Variants in GDAP2 observed in about 807,000 individuals in gnomAD.
GDAP2 encodes ganglioside induced differentiation associated protein 2.
Under a neutral mutation model 67.0 loss-of-function variants are expected in GDAP2, and 51 were observed. The observed-to-expected ratio is 0.76, with a 90% CI of 0.61 to 0.96. The LOEUF (loss-of-function observed/expected upper bound fraction) is 0.96. Ranked by LOEUF, GDAP2 falls within the 40% of genes least tolerant of loss-of-function variation. GDAP2 has a pLI of 0.00. For synonymous variants in GDAP2, 203 were observed against 207.3 expected (o/e 0.98, Z 0.18); for missense variants, 547 against 588.3 (o/e 0.93, Z 0.73).
At position 117,883,150 on chromosome 1, in the gene GDAP2, A is replaced by C. The variant is rs1252326247; in HGVS notation, c.1247+338T>G. 3.1e-5 allele frequency: 5 copies of C among 163,176 alleles called. No homozygotes were observed. In the South Asian group the frequency reaches 6.5e-4, roughly 21 times the overall value. 10.1% of individuals were successfully genotyped at this position (163,176 alleles called of 1,614,324 possible). A position where few individuals can be genotyped will look rare whatever the true frequency, so the allele number is the denominator to read the frequency against. ...CTTCCATCTTTCAAACACAGATAAT[A>C]TCTCTCCTAACCAACTCCTGGGTTA... On this transcript the variant is annotated intron_variant, in intron 11 of 13. Coordinates refer to ENST00000369443, the MANE Select transcript of GDAP2 (RefSeq NM_017686.4).
At chr1:117,928,580 C>T (rs754239288) in intron 1 of GDAP2, among the ~76,000 whole-genome samples, 3 of 152,222 alleles carry the variant, frequency 2.0e-5, no homozygotes, top group Non-Finnish European at 4.4e-5. Context: ...AACTCCTATG[C>T]TGCTACAGCT....
At chr1:117,881,793 T>C (rs1251403377) in intron 12 of GDAP2, 30 bp downstream of exon 12, 1 of 1,231,924 alleles carries the variant, frequency 8.1e-7, no homozygotes, top group Non-Finnish European at 1.2e-6. Flanking sequence ...ACATAAATTC[T>C]AGATTTAACC....
In GDAP2 at chr1:117,864,320, A is replaced by G. The variant is rs1647991176; in HGVS notation, c.*6249T>C. On this transcript the variant is annotated 3_prime_UTR_variant, in exon 14 of 14. Coordinates refer to ENST00000369443, the MANE Select transcript of GDAP2 (RefSeq NM_017686.4). ...GTGGTGGAAGGCTTATGGAGAACAG[A>G]GGCTGTTTTAATAGGGGAATGATGG... is the stretch of plus-strand genomic sequence containing the variant. 1 of 152,228 alleles carries G rather than the reference A, an allele frequency of 6.6e-6. No individual in the cohort carries two copies. Among genetic ancestry groups the G allele is most frequent in the Admixed American group, 6.5e-5 (1 of 15,284 alleles). The allele number at this position is 152,228 out of a possible 1,614,324, so 9.4% of individuals were successfully genotyped here.
At chr1:117,898,077 T>C (rs1649324029) in intron 7 of GDAP2, among the ~76,000 whole-genome samples, 1 of 152,198 alleles carries the variant, frequency 6.6e-6, no homozygotes, top group Non-Finnish European at 1.5e-5. Context: ...CTGGGAATGG[T>C]GGACAGAAGA....
At chr1:117,875,988 C>A (rs1648441097) in intron 13 of GDAP2, among the ~76,000 whole-genome samples, 1 of 152,060 alleles carries the variant, frequency 6.6e-6, no homozygotes, top group South Asian at 2.1e-4. Flanking sequence ...CAAGGTAAAA[C>A]TTTTGGGGAC....
At chr1:117,914,800 A>G (rs1649993683) in intron 3 of GDAP2, among the ~76,000 whole-genome samples, 1 of 152,218 alleles carries the variant, frequency 6.6e-6, no homozygotes, top group East Asian at 1.9e-4. Context: ...TTTCCAAACT[A>G]GAATTCTATT....
At chr1:117,897,141 T>C (rs1041993826) in intron 7 of GDAP2, 152 bp from the exon 8 acceptor site, 29 of 533,180 alleles carry the variant, frequency 5.4e-5, no homozygotes, top group African/African-American at 3.9e-4. Context: ...ATTTAGGCAT[T>C]TGTAAAGCTG....
intron 8 of GDAP2, among the ~76,000 whole-genome samples, chr1:117,894,142 ATTTTT>A (rs757044124): frequency 7.0e-6 from 1 of 142,434 alleles, no homozygotes; most frequent in Admixed American, 7.1e-5. Context: ...TCTCAATAAC[ATTTTT>A]TTTTTTTTTT....
rs1393889045 is a variant in GDAP2 at position 117,912,595 on chromosome 1, G to T, written c.405C>A (p.Ser135Arg). Residue 135 changes from serine to arginine, a missense_variant, in exon 4 of 14, where the codon AGC becomes AGA. By Grantham distance (110) the Ser-to-Arg change is moderately radical. Transcript: ENST00000369443. ...AACTCTCAGCTGCTGTGCGATAGCG[G>T]CTTTTATATTTAGGTCCCACTGTGT... ...IIHTVGPKYKSRYRTAAESSL... is the reference protein window; with the variant it reads ...IIHTVGPKYKRRYRTAAESSL... 1 of 1,613,568 alleles carries T rather than the reference G, an allele frequency of 6.2e-7. No homozygotes were observed. The highest frequency in any genetic ancestry group is 1.1e-5 in the South Asian group (1 of 91,074).
At chr1:117,924,400 G>A (rs1018689523) in intron 1 of GDAP2, among the ~76,000 whole-genome samples, 1 of 152,186 alleles carries the variant, frequency 6.6e-6, no homozygotes, top group Non-Finnish European at 1.5e-5. Context: ...TTCTGTTCCT[G>A]CATTAGTTTG....
intron 7 of GDAP2, among the ~76,000 whole-genome samples, chr1:117,898,236 C>T (rs1649327880): frequency 6.6e-6 from 1 of 152,166 alleles, no homozygotes. Context: ...CAACTCTTTG[C>T]ATTATTTCAA....
intron 8 of GDAP2, among the ~76,000 whole-genome samples, chr1:117,892,370 C>G (rs1570975046): frequency 6.6e-6 from 1 of 152,116 alleles, no homozygotes; most frequent in South Asian, 2.1e-4. Context: ...AACAGCACCT[C>G]ACTTTTTGCT....
In GDAP2 at chr1:117,870,353, T is replaced by A. The variant is rs1648213696; in HGVS notation, c.*216A>T. 3.7e-6 allele frequency: 2 copies of A among 535,470 alleles called. No homozygotes were observed. Among genetic ancestry groups the A allele is most frequent in the Non-Finnish European group, 6.6e-6 (2 of 303,404 alleles). 33.2% of individuals were successfully genotyped at this position (535,470 alleles called of 1,614,324 possible). A position where few individuals can be genotyped will look rare whatever the true frequency, so the allele number is the denominator to read the frequency against. ...TAAAAATGAACATTTCCATTTCATATAAATATACAAATTTAAAATGTGTGC... is the reference window on the plus strand; with the variant it reads ...TAAAAATGAACATTTCCATTTCATAAAAATATACAAATTTAAAATGTGTGC... On this transcript the variant is annotated 3_prime_UTR_variant, in exon 14 of 14. Coordinates refer to ENST00000369443, the MANE Select transcript of GDAP2 (RefSeq NM_017686.4).
At chr1:117,879,543 G>A (rs1042083088) in intron 12 of GDAP2, among the ~76,000 whole-genome samples, 6 of 152,064 alleles carry the variant, frequency 3.9e-5, no homozygotes, top group Non-Finnish European at 8.8e-5. Flanking sequence ...CTTATTATAC[G>A]TCAGGTAATG....
intron 1 of GDAP2, among the ~76,000 whole-genome samples, chr1:117,922,594 G>C (rs550583693): frequency 1.3e-5 from 2 of 152,262 alleles, no homozygotes; most frequent in East Asian, 1.9e-4. Flanking sequence ...GTGTCCAGGG[G>C]AGACATCACA....
intron 1 of GDAP2, among the ~76,000 whole-genome samples, chr1:117,924,620 T>C (rs1650379092): frequency 6.6e-6 from 1 of 152,216 alleles, no homozygotes. Flanking sequence ...TGCTAATTCC[T>C]AAATCAACAC....
chr1:117,882,068 T>C (rs1648668828), intron 11 of GDAP2, among the ~76,000 whole-genome samples, 191 bp from the exon 12 acceptor site: 2 of 152,282 alleles, frequency 1.3e-5, no homozygotes, highest in South Asian at 4.1e-4. Context: ...TTTTTTAAAG[T>C]ATCTCTTTTA....
At chr1:117,877,672 G>C in intron 13 of GDAP2, 1 of 1,031,136 alleles carries the variant, frequency 9.7e-7, no homozygotes, top group Non-Finnish European at 1.2e-6. Context: ...TTCTGGCTCT[G>C]TGTAGATGGA....
At chr1:117,895,264 C>T (rs906384965) in intron 8 of GDAP2, among the ~76,000 whole-genome samples, 10 of 152,122 alleles carry the variant, frequency 6.6e-5, no homozygotes, top group African/African-American at 2.2e-4. Flanking sequence ...CTCCATTTTC[C>T]AATTAAAATC....
Sources: allele counts gnomAD v4.1 joint callset (sites outside exome capture counted in the v4.1 genomes callset), GRCh38; gene constraint gnomAD v4.1.1; transcripts MANE v1.5; gene names NCBI Gene and HGNC (gene_info 2026-07-23, HGNC 2026-07-21).